The following NELL1 variants were observed in gnomAD, a reference collection of about 807,000 sequenced individuals.
NELL1 encodes the protein protein kinase C-binding protein NELL1.
A neutral mutation model predicts 107.4 loss-of-function variants in NELL1; 76 were observed. The observed-to-expected ratio is 0.71, with a 90% CI of 0.59 to 0.86. The LOEUF (loss-of-function observed/expected upper bound fraction) is 0.86. Ranked by LOEUF, NELL1 falls within the 40% of genes least tolerant of loss-of-function variation. NELL1 has a pLI of 0.00. For missense variants in NELL1, 1,024 were observed against 1,005.5 expected (o/e 1.02, Z -0.25); for synonymous variants, 353 against 341.2 (o/e 1.03, Z -0.38).
intron 13 of NELL1, among the ~76,000 whole-genome samples, chr11:21,205,050 C>G (rs1446675944): frequency 6.6e-6 from 1 of 152,146 alleles, no homozygotes; most frequent in Non-Finnish European, 1.5e-5. Flanking sequence ...TCTTTCAGCC[C>G]CTGCTGGGAT....
intron 12 of NELL1, among the ~76,000 whole-genome samples, chr11:20,989,237 G>A (rs1445592985): frequency 6.6e-6 from 1 of 152,180 alleles, no homozygotes; most frequent in African/African-American, 2.4e-5. Context: ...GAACACGTGA[G>A]GCTTGGGGTT....
chr11:21,340,929 A>C (rs1458594563), intron 14 of NELL1, among the ~76,000 whole-genome samples: 1 of 151,986 alleles, frequency 6.6e-6, no homozygotes, highest in East Asian at 1.9e-4. Flanking sequence ...TAGTAAATCA[A>C]CGTACCTATT....
intron 1 of NELL1, among the ~76,000 whole-genome samples, chr11:20,677,398 T>TATA (rs1419836431): frequency 6.6e-6 from 1 of 152,198 alleles, no homozygotes; most frequent in African/African-American, 2.4e-5. Flanking sequence ...TCACCACCTC[T>TATA]ATAAAGCTTG....
intron 14 of NELL1, among the ~76,000 whole-genome samples, chr11:21,290,007 TA>T (rs1309094974): frequency 6.6e-6 from 1 of 152,098 alleles, no homozygotes; most frequent in Admixed American, 6.6e-5. Context: ...GGTTTATAGA[TA>T]AAATTCCCAT....
intron 14 of NELL1, among the ~76,000 whole-genome samples, chr11:21,361,594 A>AT (rs906100358): frequency 4.9e-4 from 74 of 152,078 alleles, no homozygotes; most frequent in African/African-American, 1.7e-3. Context: ...AAACTTTCAG[A>AT]TTTTTCTTCT....
At position 20,989,996 on chromosome 11, in the gene NELL1, C is replaced by CAAAA. The variant is rs35612589; in HGVS notation, c.1300+29448_1300+29451dup. 5.5e-3 allele frequency among the ~76,000 whole-genome samples: 636 copies of CAAAA among 114,896 alleles called. 4 individuals are homozygous for CAAAA. The highest frequency in any genetic ancestry group is 0.019 in the African/African-American group (609 of 31,418). The allele number at this position is 114,896 out of a possible 152,430, so 75.4% of individuals were successfully genotyped here. ...TGGGAGACAGAGTGAGACTCCGTCT[C>CAAAA]AAAAAAAAAAAAAAAGAAATTCCAG... On this transcript the variant is annotated intron_variant, in intron 12 of 19. Coordinates refer to ENST00000357134, the MANE Select transcript of NELL1 (RefSeq NM_006157.5).
intron 12 of NELL1, among the ~76,000 whole-genome samples, chr11:21,039,246 T>A (rs4923285): frequency 6.6e-6 from 1 of 151,918 alleles, no homozygotes; most frequent in Non-Finnish European, 1.5e-5. Flanking sequence ...AGTGCACTGG[T>A]GCAATCTCGG....
At chr11:21,533,949 A>G (rs1011799416) in intron 15 of NELL1, among the ~76,000 whole-genome samples, 33 of 152,168 alleles carry the variant, frequency 2.2e-4, no homozygotes, top group African/African-American at 8.0e-4. Context: ...GTTTAATAAT[A>G]TTTAATCCAG....
chr11:20,735,511 G>A (rs1590244999), intron 2 of NELL1, among the ~76,000 whole-genome samples: 1 of 152,124 alleles, frequency 6.6e-6, no homozygotes, highest in Non-Finnish European at 1.5e-5. Flanking sequence ...GCAGCATGGG[G>A]GTAACTGCCC....
intron 12 of NELL1, among the ~76,000 whole-genome samples, chr11:21,102,002 GCCACTGTGA>G (rs1199114007): frequency 6.6e-6 from 1 of 152,100 alleles, no homozygotes; most frequent in African/African-American, 2.4e-5. Context: ...ACAGGTGCTT[GCCACTGTGA>G]CCAGCTAATT....
intron 2 of NELL1, among the ~76,000 whole-genome samples, chr11:20,765,205 T>C (rs184487372): frequency 2.3e-4 from 35 of 152,224 alleles, no homozygotes; most frequent in African/African-American, 7.9e-4. Context: ...GAAATTCTAA[T>C]GCTACTGTAT....
intron 12 of NELL1, among the ~76,000 whole-genome samples, chr11:21,089,164 A>G (rs1854466327): frequency 6.6e-6 from 1 of 152,216 alleles, no homozygotes; most frequent in Non-Finnish European, 1.5e-5. Context: ...TTTTCAGTAT[A>G]ATAATTCAGT....
At chr11:21,138,079 TG>T (rs771918338) in intron 13 of NELL1, among the ~76,000 whole-genome samples, 1 of 152,182 alleles carries the variant, frequency 6.6e-6, no homozygotes, top group Non-Finnish European at 1.5e-5. Flanking sequence ...GAGAACCTGA[TG>T]GCATTATTTG....
At chr11:20,922,398 G>C (rs1436435842) in intron 7 of NELL1, among the ~76,000 whole-genome samples, 2 of 151,418 alleles carry the variant, frequency 1.3e-5, no homozygotes, top group African/African-American at 4.9e-5. Context: ...CAGTTTAGTT[G>C]GTTCAGTTGG....
chr11:21,449,136 T>A (rs1228502247), intron 15 of NELL1, among the ~76,000 whole-genome samples: 4 of 152,210 alleles, frequency 2.6e-5, no homozygotes. Context: ...GCTTCCAAAC[T>A]GTTTTCGAAA....
At chr11:21,046,614 A>T (rs10833442) in intron 12 of NELL1, among the ~76,000 whole-genome samples, 45,808 of 152,064 alleles carry the variant, frequency 0.3, 7,549 homozygotes, top group East Asian at 0.48. Context: ...ATCAAGTGAC[A>T]TTCACAACTA....
intron 14 of NELL1, among the ~76,000 whole-genome samples, chr11:21,247,434 T>A (rs1447955447): frequency 6.6e-6 from 1 of 152,192 alleles, no homozygotes. Flanking sequence ...AATTTTTTTT[T>A]AACCTTTTGA....
At chr11:21,482,760 A>G (rs1325000994) in intron 15 of NELL1, among the ~76,000 whole-genome samples, 1 of 151,690 alleles carries the variant, frequency 6.6e-6, no homozygotes, top group Non-Finnish European at 1.5e-5. Flanking sequence ...TAAAAAAAAA[A>G]AAAAGAAAAA....
At chr11:21,251,290 G>A (rs921814383) in intron 14 of NELL1, among the ~76,000 whole-genome samples, 1 of 152,054 alleles carries the variant, frequency 6.6e-6, no homozygotes, top group Non-Finnish European at 1.5e-5. Flanking sequence ...AGCACCCAGA[G>A]ATTAGTCACA....
Sources: allele counts gnomAD v4.1 joint callset (sites outside exome capture counted in the v4.1 genomes callset), GRCh38; gene constraint gnomAD v4.1.1; transcripts MANE v1.5; gene names NCBI Gene and HGNC (gene_info 2026-07-23, HGNC 2026-07-21).